Variants in ERGIC1 observed in about 807,000 individuals in gnomAD.
The protein encoded by ERGIC1 is endoplasmic reticulum-golgi intermediate compartment 1.
ERGIC1 carries 19 observed loss-of-function variants against 38.3 expected under a neutral mutation model. That is an observed-to-expected ratio of 0.50 (90% confidence interval 0.35 to 0.73). The LOEUF (loss-of-function observed/expected upper bound fraction) is 0.73, where lower values mean the gene tolerates loss of function less well. Ranked by LOEUF, ERGIC1 falls within the 30% of genes least tolerant of loss-of-function variation. The pLI is 0.01. For missense variants in ERGIC1, 294 were observed against 389.2 expected, an observed-to-expected ratio of 0.76 and a Z score of 2.06; for synonymous variants, 124 against 157.6, an observed-to-expected ratio of 0.79 and a Z score of 1.60.
chr5:172,924,177 C>G, intron 6 of ERGIC1, 68 bp downstream of exon 6: 1 of 1,404,168 alleles, frequency 7.1e-7, no homozygotes, highest in East Asian at 2.4e-5. Context: ...ACCCAGTGCC[C>G]TCTGCCCTCT....
chr5:172,895,654 G>T (rs1762705009), intron 2 of ERGIC1, among the ~76,000 whole-genome samples: 1 of 152,098 alleles, frequency 6.6e-6, no homozygotes, highest in Non-Finnish European at 1.5e-5. Flanking sequence ...ACAGACAAAA[G>T]AGTGACCAGC....
At chr5:172,912,312 G>A (rs1166240407) in intron 4 of ERGIC1, among the ~76,000 whole-genome samples, 1 of 152,188 alleles carries the variant, frequency 6.6e-6, no homozygotes, top group East Asian at 1.9e-4. Flanking sequence ...TCCTAGTGGT[G>A]AGGTCTCTGT....
chr5:172,858,527 C>T (rs1761614763), intron 1 of ERGIC1, among the ~76,000 whole-genome samples: 1 of 152,202 alleles, frequency 6.6e-6, no homozygotes, highest in Non-Finnish European at 1.5e-5. Flanking sequence ...TGCACTTAGT[C>T]CTGAATCCGG....
chr5:172,848,712 A>C (rs563978199), intron 1 of ERGIC1, among the ~76,000 whole-genome samples: 11 of 152,322 alleles, frequency 7.2e-5, no homozygotes, highest in African/African-American at 2.6e-4. Context: ...GACTGAATGA[A>C]GGAAGTAGAG....
chr5:172,918,639 G>C (rs1482686262), intron 5 of ERGIC1, among the ~76,000 whole-genome samples: 3 of 152,270 alleles, frequency 2.0e-5, no homozygotes, highest in African/African-American at 7.2e-5. Context: ...GTGCTGCAGA[G>C]AGTGCTCCAG....
intron 9 of ERGIC1, among the ~76,000 whole-genome samples, chr5:172,945,534 G>A (rs926751855): frequency 4.6e-5 from 7 of 152,176 alleles, no homozygotes; most frequent in Admixed American, 3.9e-4. Context: ...GTCTCAGGTT[G>A]AGACAATCCC....
At chr5:172,935,856 C>G (rs982031873) in intron 9 of ERGIC1, 5 of 155,212 alleles carry the variant, frequency 3.2e-5, no homozygotes, top group African/African-American at 1.2e-4. Flanking sequence ...TTATTTCTAT[C>G]ATGTCTACTG....
Position 172,923,996 on chromosome 5 carries a change from C to G in ERGIC1, c.376-9C>G, listed in dbSNP as rs774694436. The G allele has an allele frequency of 2.5e-6, 4 of 1,613,834 alleles. No individual in the cohort carries two copies. Among genetic ancestry groups the G allele is most frequent in the East Asian group, 2.2e-5 (1 of 44,868 alleles). On this transcript the variant is annotated splice_polypyrimidine_tract_variant and intron_variant, in intron 5 of 9. Transcript: ENST00000393784. Reference sequence around the variant, plus strand: ...AACCAAACTCCTGAAACTCACATTTCTCCCCCAGGTCCCCGGCAACTTCCA... The same window carrying G: ...AACCAAACTCCTGAAACTCACATTTGTCCCCCAGGTCCCCGGCAACTTCCA...
At chr5:172,938,474 C>G (rs558938977) in intron 9 of ERGIC1, among the ~76,000 whole-genome samples, 149 of 152,274 alleles carry the variant, frequency 9.8e-4, no homozygotes, top group African/African-American at 3.3e-3. Context: ...TGGCAATGGC[C>G]GGGCACGGTG....
intron 3 of ERGIC1, among the ~76,000 whole-genome samples, chr5:172,899,871 A>C (rs929682304): frequency 6.6e-6 from 1 of 152,236 alleles, no homozygotes; most frequent in Non-Finnish European, 1.5e-5. Context: ...TTTAGCTGAA[A>C]GCTAACTTAA....
intron 3 of ERGIC1, among the ~76,000 whole-genome samples, chr5:172,903,818 A>G (rs1003292225): frequency 2.2e-4 from 34 of 151,622 alleles, no homozygotes; most frequent in African/African-American, 7.0e-4. Flanking sequence ...GAGGTGGCAG[A>G]GCCAGGATTC....
chr5:172,919,944 G>A (rs183844178), intron 5 of ERGIC1, among the ~76,000 whole-genome samples: 6 of 152,298 alleles, frequency 3.9e-5, no homozygotes, highest in Admixed American at 3.9e-4. Context: ...CCACATATTA[G>A]CTCCTTTAGT....
At chr5:172,869,694 C>T (rs1171925673) in intron 1 of ERGIC1, among the ~76,000 whole-genome samples, 1 of 152,148 alleles carries the variant, frequency 6.6e-6, no homozygotes, top group Non-Finnish European at 1.5e-5. Context: ...TGGCTTCTCT[C>T]CAAGATAAGT....
At chr5:172,872,936 T>A (rs1350020580) in intron 1 of ERGIC1, among the ~76,000 whole-genome samples, 1 of 152,228 alleles carries the variant, frequency 6.6e-6, no homozygotes, top group East Asian at 1.9e-4. Flanking sequence ...AAGGGGCACC[T>A]TTCACAGGCA....
Position 172,926,023 on chromosome 5 carries a change from A to T in ERGIC1, c.481-486A>T, listed in dbSNP as rs1450281935. ...ACAGCTCTGGGGCATCCCTGCCTGG[A>T]CTCCTCTATGGGCCTTTCAGAGGAC... On this transcript the variant is annotated intron_variant, in intron 6 of 9. Transcript: ENST00000393784. This position sits in a 1 kb window ranked among gnomAD's most constrained non-coding sequence, Gnocchi z 5.2. 6.6e-6 allele frequency among the ~76,000 whole-genome samples: 1 copy of T among 151,814 alleles called. No individual in the cohort carries two copies. The highest frequency in any genetic ancestry group is 2.4e-5 in the African/African-American group (1 of 41,330).
At chr5:172,897,610 C>T (rs948898706) in intron 3 of ERGIC1, among the ~76,000 whole-genome samples, 5 of 152,140 alleles carry the variant, frequency 3.3e-5, no homozygotes, top group African/African-American at 9.7e-5. Flanking sequence ...GGTTCCATTC[C>T]GTGGGGGTTC....
intron 5 of ERGIC1, chr5:172,920,589 C>A: frequency 1.6e-6 from 1 of 621,114 alleles, no homozygotes; most frequent in South Asian, 1.8e-5. Flanking sequence ...CTGTTTCTTT[C>A]TTCAGCCCAG....
In ERGIC1 at chr5:172,914,704, G is replaced by T; in HGVS notation, c.251-10G>T. 6.2e-7 allele frequency: 1 copy of T among 1,614,028 alleles called. No homozygotes were observed. The highest frequency in any genetic ancestry group is 2.2e-5 in the East Asian group (1 of 44,888). On this transcript the variant is annotated splice_polypyrimidine_tract_variant and intron_variant, in intron 4 of 9. Coordinates refer to ENST00000393784, the MANE Select transcript of ERGIC1 (RefSeq NM_001031711.3). ...GGTTTGTGACTGTTGTCTCCCTTTG[G>T]CTCCTGCAGTGGTTGGGCTTGACAT...
At chr5:172,910,251 G>A (rs947529045) in intron 4 of ERGIC1, among the ~76,000 whole-genome samples, 1 of 152,140 alleles carries the variant, frequency 6.6e-6, no homozygotes, top group Admixed American at 6.5e-5. Flanking sequence ...ATGTCATTGG[G>A]TAATGGCTGC....
Sources: allele counts gnomAD v4.1 joint callset (sites outside exome capture counted in the v4.1 genomes callset), GRCh38; gene constraint gnomAD v4.1.1; non-coding constraint Gnocchi (gnomAD v3.1); transcripts MANE v1.5; gene names NCBI Gene and HGNC (gene_info 2026-07-23, HGNC 2026-07-21).